The following MAPK10 variants were observed in gnomAD, a reference collection of about 807,000 sequenced individuals.
MAPK10 encodes JNK3 alpha protein kinase.
Under a neutral mutation model 59.3 loss-of-function variants are expected in MAPK10, and 25 were observed. That is an observed-to-expected ratio of 0.42 (90% CI 0.31 to 0.59). The LOEUF is 0.59. Ranked by LOEUF, MAPK10 falls within the 20% of genes least tolerant of loss-of-function variation. MAPK10 has a pLI of 0.15. For missense variants in MAPK10, 351 were observed against 568.9 expected, an observed-to-expected ratio of 0.62 and a Z score of 3.90; for synonymous variants, 190 against 200.5, an observed-to-expected ratio of 0.95 and a Z score of 0.44.
chr4:86,194,298 A>G, intron 3 of MAPK10, 38 bp downstream of exon 3: 1 of 1,520,332 alleles, frequency 6.6e-7, no homozygotes, highest in Admixed American at 1.7e-5. Context: ...ATACAAGGGA[A>G]TATACTGTAC....
intron 1 of MAPK10, among the ~76,000 whole-genome samples, chr4:86,562,343 T>C (rs1339432170): frequency 6.6e-6 from 1 of 152,138 alleles, no homozygotes; most frequent in Admixed American, 6.6e-5. Flanking sequence ...ATTGTTAATC[T>C]AGCCTCAGCA....
chr4:86,154,029 C>T (rs542716927), intron 4 of MAPK10, among the ~76,000 whole-genome samples: 6 of 152,092 alleles, frequency 3.9e-5, no homozygotes, highest in East Asian at 1.9e-4. Flanking sequence ...TGATTAAATC[C>T]GTGTCATTTA....
At chr4:86,401,946 A>G (rs889094282) in intron 1 of MAPK10, among the ~76,000 whole-genome samples, 2 of 151,940 alleles carry the variant, frequency 1.3e-5, no homozygotes, top group Admixed American at 1.3e-4. Context: ...CTCCTCCCCT[A>G]TGTTCTACTG....
chr4:86,349,948 A>G (rs189313159), intron 2 of MAPK10, among the ~76,000 whole-genome samples: 47 of 152,312 alleles, frequency 3.1e-4, no homozygotes, highest in African/African-American at 1.1e-3. Context: ...GAGGTAGGAA[A>G]CACCTGAGTA....
chr4:86,282,087 C>T (rs1205250027), intron 2 of MAPK10, among the ~76,000 whole-genome samples: 2 of 152,086 alleles, frequency 1.3e-5, no homozygotes, highest in South Asian at 4.1e-4. Context: ...CAGACAAGAA[C>T]TCAGGAGAAA....
rs142910569 is a variant in MAPK10 at position 86,179,580 on chromosome 4, G to A, written c.66+14756C>T. 1.2e-3 allele frequency among the ~76,000 whole-genome samples: 176 copies of A among 152,056 alleles called. 1 individual carries two copies. The South Asian group carries it at 0.033, about 28-fold the overall frequency. On this transcript the variant is annotated intron_variant, in intron 3 of 13. Transcript: ENST00000641462. ...AAAAGAACAAAGCTAAAGATATTAC[G>A]CCACCAGACTTCAAAATATACTACA...
intron 4 of MAPK10, chr4:86,125,614 G>C (rs921344374): frequency 1.3e-5 from 2 of 151,836 alleles, no homozygotes; most frequent in African/African-American, 4.8e-5. Context: ...TGCTCTTCCG[G>C]GGTTACTGCT....
chr4:86,516,652 T>TTTTG (rs1554276094), intron 1 of MAPK10, among the ~76,000 whole-genome samples: 82 of 149,598 alleles, frequency 5.5e-4, no homozygotes, highest in African/African-American at 1.9e-3. Context: ...TTTGTTTGTT[T>TTTTG]TTTGTTTGTT....
At chr4:86,461,008 C>T (rs183372732) in intron 1 of MAPK10, among the ~76,000 whole-genome samples, 4 of 152,230 alleles carry the variant, frequency 2.6e-5, no homozygotes, top group African/African-American at 7.2e-5. Flanking sequence ...GGGTTAGGGT[C>T]TCCATGACCG....
At chr4:86,575,997 G>A (rs1761856214) in intron 1 of MAPK10, among the ~76,000 whole-genome samples, 1 of 134,014 alleles carries the variant, frequency 7.5e-6, no homozygotes, top group Non-Finnish European at 1.7e-5. Flanking sequence ...GTGTGTGTAT[G>A]CGTGTGTGTG....
chr4:86,576,206 T>C (rs1041646392), intron 1 of MAPK10, among the ~76,000 whole-genome samples: 3 of 152,090 alleles, frequency 2.0e-5, no homozygotes, highest in African/African-American at 7.2e-5. Context: ...AAAGAGCTCC[T>C]GTAAATTAAA....
chr4:86,304,610 T>C (rs1279035458), intron 2 of MAPK10, among the ~76,000 whole-genome samples: 1 of 151,804 alleles, frequency 6.6e-6, no homozygotes, highest in African/African-American at 2.4e-5. Flanking sequence ...GCCAAGATGG[T>C]CTCGATCTCC....
At chr4:86,368,695 G>A (rs971634677) in intron 1 of MAPK10, among the ~76,000 whole-genome samples, 1 of 152,086 alleles carries the variant, frequency 6.6e-6, no homozygotes, top group African/African-American at 2.4e-5. Context: ...ATGTCCCTTT[G>A]TGGTTAAACG....
chr4:86,135,807 T>A (rs770117497), intron 4 of MAPK10, among the ~76,000 whole-genome samples: 23 of 152,192 alleles, frequency 1.5e-4, no homozygotes, highest in Middle Eastern at 3.4e-3. Context: ...GAAGAATGTA[T>A]AACTAGAATA....
chr4:86,029,229 T>G lies in MAPK10; in HGVS notation c.1220A>C (p.Asn407Thr). The change falls in exon 13 of 14, where the codon AAT (asparagine) becomes ACT (threonine). Residue 407 changes from asparagine to threonine, a missense_variant. Transcript: ENST00000641462. ...EVMNSEEKTK[N>T]GVVKGQPSPS... ...AGAAGGCTGTCCTTTTACTACACCA[T>G]TTTTAGTCTTTTCTTCTGAATTCAT... 6.2e-7 allele frequency: 1 copy of G among 1,610,664 alleles called. No homozygotes were observed. The highest frequency in any genetic ancestry group is 2.2e-5 in the East Asian group (1 of 44,756).
At chr4:86,191,553 C>G (rs1459204789) in intron 3 of MAPK10, 1 of 30,370 alleles carries the variant, frequency 3.3e-5, no homozygotes, top group Non-Finnish European at 1.2e-4. Context: ...ACAACCCGTG[C>G]TTTTTTTTTT....
chr4:86,093,749 C>T (rs2053684267), intron 9 of MAPK10, among the ~76,000 whole-genome samples: 1 of 151,834 alleles, frequency 6.6e-6, no homozygotes, highest in Non-Finnish European at 1.5e-5. Flanking sequence ...TCTTTACAAC[C>T]TCAGAATCTC....
At chr4:86,159,519 A>G (rs191931949) in intron 3 of MAPK10, 52 bp from the exon 4 acceptor site, 1 of 1,467,048 alleles carries the variant, frequency 6.8e-7, no homozygotes, top group Non-Finnish European at 9.4e-7. Flanking sequence ...AGGCAGAATG[A>G]TAATGAGATG....
intron 1 of MAPK10, among the ~76,000 whole-genome samples, chr4:86,400,468 CG>C (rs1439442710): frequency 6.6e-6 from 1 of 151,638 alleles, no homozygotes; most frequent in Non-Finnish European, 1.5e-5. Flanking sequence ...TCTCTCTCCA[CG>C]TAATGGGGAG....
Sources: allele counts gnomAD v4.1 joint callset (sites outside exome capture counted in the v4.1 genomes callset), GRCh38; gene constraint gnomAD v4.1.1; transcripts MANE v1.5; gene names NCBI Gene and HGNC (gene_info 2026-07-23, HGNC 2026-07-21).